Variants in ADAMTS3 observed in about 807,000 individuals in gnomAD.
ADAMTS3 encodes the protein ADAM metallopeptidase with thrombospondin type 1 motif 3.
ADAMTS3 carries 73 observed loss-of-function variants against 129.0 expected under a neutral mutation model. That is an observed-to-expected ratio of 0.57 (90% CI 0.47 to 0.69). The LOEUF is 0.69. ADAMTS3 is among the 30% of genes least tolerant of loss of function. ADAMTS3 has a pLI of 0.00. For synonymous variants in ADAMTS3, 477 were observed against 510.8 expected, an observed-to-expected ratio of 0.93 and a Z score of 0.89; for missense variants, 1,457 against 1,514.5, an observed-to-expected ratio of 0.96 and a Z score of 0.63.
Position 72,283,328 on chromosome 4 carries a change from C to T in ADAMTS3, c.3426G>A (p.Val1142=). The T allele has an allele frequency of 6.2e-7, 1 of 1,613,906 alleles. No homozygotes were observed. The highest frequency in any genetic ancestry group is 8.5e-7 in the Non-Finnish European group (1 of 1,179,906). The change falls in exon 22 of 22, where the codon GTG becomes GTA. Residue 1142 remains valine, a synonymous_variant. Transcript: ENST00000286657. Reference sequence around the variant, plus strand: ...GGGAGGATGGTACGGTGACCAGTCTCACAGTCTTACTTCCTGCTTGCTGAG... The same window carrying T: ...GGGAGGATGGTACGGTGACCAGTCTTACAGTCTTACTTCCTGCTTGCTGAG... ...RSAQQAGSKT[V]RLVTVPSSPP...
intron 4 of ADAMTS3, among the ~76,000 whole-genome samples, chr4:72,394,993 C>T (rs372469212): frequency 2.6e-5 from 4 of 151,550 alleles, no homozygotes; most frequent in Non-Finnish European, 4.4e-5. Context: ...GGCACGATCT[C>T]GACTCACTGC....
At chr4:72,333,809 TTTTTGTTG>T in intron 5 of ADAMTS3, among the ~76,000 whole-genome samples, 1 of 151,742 alleles carries the variant, frequency 6.6e-6, no homozygotes. Context: ...AAGGTTTTCT[TTTTTGTTG>T]TTTTGTTGTT....
intron 4 of ADAMTS3, among the ~76,000 whole-genome samples, chr4:72,383,901 AT>A (rs1277363121): frequency 6.6e-6 from 1 of 152,140 alleles, no homozygotes; most frequent in East Asian, 1.9e-4. Context: ...AAAATTATAA[AT>A]TCTTCAATGA....
intron 3 of ADAMTS3, among the ~76,000 whole-genome samples, chr4:72,534,128 C>T (rs1721126374): frequency 1.3e-5 from 2 of 152,042 alleles, no homozygotes; most frequent in Admixed American, 1.3e-4. Context: ...GAGATCGAGA[C>T]CATCCTGGCT....
intron 17 of ADAMTS3, among the ~76,000 whole-genome samples, chr4:72,299,053 C>CTGTGTGTGTG (rs60439058): frequency 1.1e-3 from 147 of 138,142 alleles, no homozygotes; most frequent in African/African-American, 3.4e-3. Flanking sequence ...TATTTGCATT[C>CTGTGTGTGTG]TGTGTGTGTG....
At chr4:72,526,759 T>C (rs867088350) in intron 3 of ADAMTS3, among the ~76,000 whole-genome samples, 12 of 87,602 alleles carry the variant, frequency 1.4e-4, no homozygotes, top group Admixed American at 8.2e-4. Flanking sequence ...TATATATATA[T>C]ATATATATAT....
chr4:72,511,783 A>T (rs934598158), intron 3 of ADAMTS3, among the ~76,000 whole-genome samples: 2 of 152,232 alleles, frequency 1.3e-5, no homozygotes, highest in African/African-American at 4.8e-5. Flanking sequence ...AAGAAAGGCT[A>T]TCAGTATATC....
At position 72,414,990 on chromosome 4, in the gene ADAMTS3, G is replaced by T; in HGVS notation, c.505-19C>A. On this transcript the variant is annotated intron_variant, in intron 3 of 21. Coordinates refer to ENST00000286657, the MANE Select transcript of ADAMTS3 (RefSeq NM_014243.3). The stretch of plus-strand genomic sequence containing the variant: ...TTCCAGCCTAGAGAAAGCACAAAAT[G>T]TGTTAATTTAAAAAAGAAATATCTA... 2 of 1,427,204 alleles carry T rather than the reference G, an allele frequency of 1.4e-6. No individual in the cohort carries two copies. The highest frequency in any genetic ancestry group is 1.7e-5 in the South Asian group (1 of 59,572). The allele number at this position is 1,427,204 out of a possible 1,614,324, so 88.4% of individuals were successfully genotyped here.
chr4:72,347,832 T>C (rs948035131), intron 4 of ADAMTS3, among the ~76,000 whole-genome samples: 1 of 151,990 alleles, frequency 6.6e-6, no homozygotes, highest in African/African-American at 2.4e-5. Context: ...ATTAAGGTTT[T>C]CTAAATAAGG....
rs937909115 is a variant in ADAMTS3, at chr4:72,568,721, T to C, written c.42A>G (p.Val14=). ...LSLWLIAAAL[V]EVRTSADGQA... ...GTCCATCAGCTGAAGTCCTAACCTCTACCAGAGCGGCTGCTATCAACCAAA... is the reference window on the plus strand; with the variant it reads ...GTCCATCAGCTGAAGTCCTAACCTCCACCAGAGCGGCTGCTATCAACCAAA... The change falls in exon 1 of 22, where the codon GTA becomes GTG. Residue 14 remains valine, a synonymous_variant. Transcript: ENST00000286657. 1.2e-6 allele frequency: 2 copies of C among 1,613,604 alleles called. No individual in the cohort carries two copies. Among genetic ancestry groups the C allele is most frequent in the South Asian group, 1.1e-5 (1 of 91,060 alleles).
rs1243342370 is a variant in ADAMTS3, at chr4:72,288,963, C to CACACACACAG, written c.2932-96_2932-95insCTGTGTGTGT. 338 of 716,920 alleles carry CACACACACAG rather than the reference C, an allele frequency of 4.7e-4. 1 individual carries two copies. The highest frequency in any genetic ancestry group is 5.5e-5 in the Non-Finnish European group (23 of 416,168). 44.4% of individuals were successfully genotyped at this position (716,920 alleles called of 1,614,324 possible). ...ACACACACACACACACACACACACA[C>CACACACACAG]ACACAAAGACACAGAGATCTGGAGT... On this transcript the variant is annotated intron_variant, in intron 20 of 21. Transcript: ENST00000286657.
chr4:72,283,380 T>C lies in ADAMTS3; in HGVS notation c.3374A>G (p.Asp1125Gly). 6.2e-7 allele frequency: 1 copy of C among 1,613,592 alleles called. No homozygotes were observed. The highest frequency in any genetic ancestry group is 8.5e-7 in the Non-Finnish European group (1 of 1,179,582). The change falls in exon 22 of 22, where the codon GAT becomes GGT. Residue 1125 changes from aspartate (D) to glycine (G), a missense_variant. Asp to Gly is a moderately conservative substitution (Grantham distance 94). Coordinates refer to ENST00000286657, the MANE Select transcript of ADAMTS3 (RefSeq NM_014243.3). Reference protein sequence around the residue: ...YAAFRPNSKPDGANLRQRSAQ... With the variant: ...YAAFRPNSKPGGANLRQRSAQ... ...ACTCCTCTGGCGTAAATTAGCACCATCAGGTTTACTGTTTGGCCTGAAAGC... is the reference window on the plus strand; with the variant it reads ...ACTCCTCTGGCGTAAATTAGCACCACCAGGTTTACTGTTTGGCCTGAAAGC...
At chr4:72,346,410 T>A (rs1321946857) in intron 4 of ADAMTS3, among the ~76,000 whole-genome samples, 1 of 152,156 alleles carries the variant, frequency 6.6e-6, no homozygotes, top group Non-Finnish European at 1.5e-5. Flanking sequence ...GCATTTCATG[T>A]TTAATTTCTT....
At position 72,514,860 on chromosome 4, in the gene ADAMTS3, G is replaced by C. The variant is rs181327079; in HGVS notation, c.504+33618C>G. On this transcript the variant is annotated intron_variant, in intron 3 of 21. Transcript: ENST00000286657. ...TTTTTTAATTATTATTATACTTTAAGTTTTAGGGTACATGTGCACAATGTG... is the reference window on the plus strand; with the variant it reads ...TTTTTTAATTATTATTATACTTTAACTTTTAGGGTACATGTGCACAATGTG... Among the ~76,000 whole-genome samples, 695 of 151,752 alleles carry C rather than the reference G, an allele frequency of 4.6e-3. 2 individuals are homozygous for C. Among genetic ancestry groups the C allele is most frequent in the Non-Finnish European group, 8.1e-3 (552 of 67,948 alleles).
intron 3 of ADAMTS3, among the ~76,000 whole-genome samples, chr4:72,476,626 T>G (rs1719241253): frequency 6.6e-6 from 1 of 152,024 alleles, no homozygotes; most frequent in South Asian, 2.1e-4. Flanking sequence ...AAGCTAAAAT[T>G]ACACTAATCC....
chr4:72,552,756 C>T (rs546724623), intron 2 of ADAMTS3, among the ~76,000 whole-genome samples: 2 of 152,288 alleles, frequency 1.3e-5, no homozygotes, highest in East Asian at 3.9e-4. Flanking sequence ...CTGGCTCACT[C>T]TCTCAATTGC....
chr4:72,420,210 A>C (rs1578664037), intron 3 of ADAMTS3, among the ~76,000 whole-genome samples: 1 of 152,068 alleles, frequency 6.6e-6, no homozygotes, highest in Non-Finnish European at 1.5e-5. Context: ...ACTGCCTTCA[A>C]GACTCCATCA....
chr4:72,356,013 A>T (rs917589569), intron 4 of ADAMTS3, among the ~76,000 whole-genome samples: 3 of 151,780 alleles, frequency 2.0e-5, no homozygotes, highest in Non-Finnish European at 2.9e-5. Flanking sequence ...TGATTAAAAA[A>T]CTCCGGTAAT....
At chr4:72,511,838 ATAAC>A (rs1158000315) in intron 3 of ADAMTS3, among the ~76,000 whole-genome samples, 1 of 152,240 alleles carries the variant, frequency 6.6e-6, no homozygotes, top group East Asian at 1.9e-4. Flanking sequence ...ACTGTTTACA[ATAAC>A]TAATATTTAA....
Sources: allele counts gnomAD v4.1 joint callset (sites outside exome capture counted in the v4.1 genomes callset), GRCh38; gene constraint gnomAD v4.1.1; transcripts MANE v1.5; gene names NCBI Gene and HGNC (gene_info 2026-07-23, HGNC 2026-07-21).